FIBCD1: variants seen among roughly 807,000 people sequenced by gnomAD.
The protein encoded by FIBCD1 is fibrinogen C domain containing 1.
Under a neutral mutation model 45.1 loss-of-function variants are expected in FIBCD1, and 47 were observed. The ratio of observed to expected loss-of-function variants is 1.04; its 90% CI spans 0.82 to 1.33. FIBCD1 has a LOEUF of 1.33. Among genes scored for constraint, FIBCD1 ranks in the 40% most tolerant of loss-of-function variants. The pLI, the probability that FIBCD1 is intolerant of heterozygous loss-of-function variation, is 0.00. For synonymous variants in FIBCD1, 313 were observed against 308.1 expected (o/e 1.02, Z -0.17); for missense variants, 653 against 682.2 (o/e 0.96, Z 0.48).
Position 130,904,002 on chromosome 9 carries a change from G to A in FIBCD1, c.*62C>T. The A allele has an allele frequency of 6.3e-7, 1 of 1,577,222 alleles. No individual in the cohort carries two copies. Among genetic ancestry groups the A allele is most frequent in the Non-Finnish European group, 8.6e-7 (1 of 1,160,876 alleles). ...GTGGGTGGAGAACATTCACGAAAGA[G>A]TGAGGTGGGGTCGGGGATGGGGCGA... is the stretch of plus-strand genomic sequence containing the variant. On this transcript the variant is annotated 3_prime_UTR_variant, in exon 7 of 7. Coordinates refer to ENST00000372338, the MANE Select transcript of FIBCD1 (RefSeq NM_032843.5).
chr9:130,909,326 G>C (rs1034008881), intron 5 of FIBCD1, among the ~76,000 whole-genome samples: 7 of 134,356 alleles, frequency 5.2e-5, no homozygotes, highest in African/African-American at 1.4e-4. Flanking sequence ...GCACACACCC[G>C]GGGGGCTTAA....
chr9:130,915,273 G>A (rs1177543406), intron 4 of FIBCD1, among the ~76,000 whole-genome samples: 2 of 152,160 alleles, frequency 1.3e-5, no homozygotes, highest in Non-Finnish European at 2.9e-5. Context: ...CCATCCCCCA[G>A]GGCTCCTCCT....
upstream of FIBCD1, among the ~76,000 whole-genome samples, chr9:130,940,615 C>T (rs970302669): frequency 6.6e-6 from 1 of 152,264 alleles, no homozygotes; most frequent in Admixed American, 6.5e-5. Context: ...GCCTCAGTTT[C>T]CCCATGTAAG....
rs575780548 is a variant in FIBCD1 at position 130,923,518 on chromosome 9, A to G, written c.849+226T>C. 4.6e-5 allele frequency among the ~76,000 whole-genome samples: 7 copies of G among 152,152 alleles called. No homozygotes were observed. The East Asian group carries it at 1.4e-3, about 29-fold the overall frequency. On this transcript the variant is annotated intron_variant, in intron 4 of 6. Coordinates refer to ENST00000372338, the MANE Select transcript of FIBCD1 (RefSeq NM_032843.5). ...AGGGAGCCCAAGGTGGCTCCTGCCT[A>G]ATGTCCGCTCCAGAGTGGGTACCCC...
chr9:130,923,797 G>C lies in FIBCD1; in HGVS notation c.796C>G (p.Pro266Ala). Residue 266 changes from proline to alanine, a missense_variant, in exon 4 of 7, where the codon CCG becomes GCG. By Grantham distance (27) the Pro-to-Ala change is conservative. Coordinates refer to ENST00000372338, the MANE Select transcript of FIBCD1 (RefSeq NM_032843.5). ...GVYSVFPTHY[P>A]AGFQVYCDMR... is the part of the protein sequence containing the mutation. ...TCACAGTACACCTGGAAGCCGGCCG[G>C]GTAGTGGGTGGGAAAGACAGAGTAG... 6.2e-7 allele frequency: 1 copy of C among 1,612,970 alleles called. No individual in the cohort carries two copies. The highest frequency in any genetic ancestry group is 2.2e-5 in the East Asian group (1 of 44,876).
At chr9:130,934,249 C>G (rs1832485348) in intron 1 of FIBCD1, among the ~76,000 whole-genome samples, 1 of 152,202 alleles carries the variant, frequency 6.6e-6, no homozygotes, top group Non-Finnish European at 1.5e-5. Flanking sequence ...ACTCTGAGCC[C>G]TGGCCCTGGC....
At chr9:130,917,450 A>G (rs556855808) in intron 4 of FIBCD1, among the ~76,000 whole-genome samples, 9 of 148,000 alleles carry the variant, frequency 6.1e-5, no homozygotes, top group South Asian at 2.1e-4. Flanking sequence ...GGCTCTGGAC[A>G]TGGAGGAAGG....
rs886473119 is a variant in FIBCD1, at chr9:130,902,494, C to G, written c.*1570G>C. The G allele has an allele frequency of 6.6e-6, 1 of 152,274 alleles. No individual in the cohort carries two copies. Among genetic ancestry groups the G allele is most frequent in the Non-Finnish European group, 1.5e-5 (1 of 68,052 alleles). 9.4% of individuals were successfully genotyped at this position (152,274 alleles called of 1,614,324 possible). ...GACAGAGAGCCAGGTCACACGGCCT[C>G]TCCCACCAACCCCCAGTGGTGCCAA... On this transcript the variant is annotated 3_prime_UTR_variant, in exon 7 of 7. Transcript: ENST00000372338.
intron 2 of FIBCD1, among the ~76,000 whole-genome samples, chr9:130,925,322 C>T (rs922023800): frequency 6.6e-6 from 1 of 152,130 alleles, no homozygotes; most frequent in Non-Finnish European, 1.5e-5. Context: ...AGGACTCAGG[C>T]CACTTCCCTA....
rs140499477 is a variant in FIBCD1, at chr9:130,911,106, A to G, written c.946+686T>C. The stretch of plus-strand genomic sequence containing the variant: ...GCTCAGGTTCCCTCCTGCGCTGTGG[A>G]AGCTTTGTTCTTTCACTCTTTGGGT... On this transcript the variant is annotated intron_variant, in intron 5 of 6. Coordinates refer to ENST00000372338, the MANE Select transcript of FIBCD1 (RefSeq NM_032843.5). Among the ~76,000 whole-genome samples, 149 of 152,258 alleles carry G rather than the reference A, an allele frequency of 9.8e-4. 2 individuals carry two copies. The Middle Eastern group carries it at 0.017, about 17-fold the overall frequency.
chr9:130,909,678 T>G (rs1832000506), intron 5 of FIBCD1, among the ~76,000 whole-genome samples: 2 of 152,276 alleles, frequency 1.3e-5, no homozygotes, highest in Admixed American at 1.3e-4. Flanking sequence ...TTGTGATTCT[T>G]TTAGGATGTT....
rs746464629 is a variant in FIBCD1, at chr9:130,904,270, T to C, written c.1180A>G (p.Ser394Gly). ...GMRFTTKDRD[S>G]DHSENNCAAF... ...GCACAGTTGTTCTCTGAATGGTCGC[T>C]GTCACGGTCCTTGGTGGTGAACCTC... Residue 394 changes from serine (S) to glycine (G), a missense_variant, in exon 7 of 7, where the codon AGC (serine) becomes GGC (glycine). By Grantham distance (56) the Ser-to-Gly change is moderately conservative. Coordinates refer to ENST00000372338, the MANE Select transcript of FIBCD1 (RefSeq NM_032843.5). 8.7e-6 allele frequency: 14 copies of C among 1,613,512 alleles called. No homozygotes were observed. The highest frequency in any genetic ancestry group is 1.2e-5 in the Non-Finnish European group (14 of 1,179,876).
chr9:130,909,998 T>C (rs1446300365), intron 5 of FIBCD1, among the ~76,000 whole-genome samples: 2 of 152,214 alleles, frequency 1.3e-5, no homozygotes, highest in Non-Finnish European at 2.9e-5. Context: ...GCGCCTCCTC[T>C]GCGTGGGCTC....
chr9:130,911,165 T>G (rs956312118), intron 5 of FIBCD1, among the ~76,000 whole-genome samples: 2 of 152,192 alleles, frequency 1.3e-5, no homozygotes, highest in Non-Finnish European at 2.9e-5. Flanking sequence ...ACACTCACCG[T>G]GAAGGTCTGC....
chr9:130,919,017 C>T (rs931845987), intron 4 of FIBCD1, among the ~76,000 whole-genome samples: 1 of 152,210 alleles, frequency 6.6e-6, no homozygotes, highest in South Asian at 2.1e-4. Context: ...TGACTGAAAA[C>T]GGTACCCCCA....
At chr9:130,910,628 G>C (rs1374231815) in intron 5 of FIBCD1, among the ~76,000 whole-genome samples, 1 of 152,214 alleles carries the variant, frequency 6.6e-6, no homozygotes, top group African/African-American at 2.4e-5. Context: ...TCTAGCTCAG[G>C]GATTGTAAAT....
upstream of FIBCD1, among the ~76,000 whole-genome samples, chr9:130,940,702 A>G (rs953249229): frequency 4.6e-5 from 7 of 152,220 alleles, no homozygotes; most frequent in African/African-American, 1.2e-4. Context: ...CAAGGCTCAG[A>G]TGTTCCTGCT....
intron 5 of FIBCD1, among the ~76,000 whole-genome samples, chr9:130,908,978 C>T (rs1244322570): frequency 6.6e-6 from 1 of 152,072 alleles, no homozygotes; most frequent in Non-Finnish European, 1.5e-5. Flanking sequence ...AGGGGTGTCA[C>T]TGAACATCCT....
chr9:130,921,267 G>A (rs1384456930), intron 4 of FIBCD1, among the ~76,000 whole-genome samples: 1 of 152,264 alleles, frequency 6.6e-6, no homozygotes, highest in Admixed American at 6.5e-5. Flanking sequence ...GTTCGGACAG[G>A]GAGTCTAATG....
Sources: allele counts gnomAD v4.1 joint callset (sites outside exome capture counted in the v4.1 genomes callset), GRCh38; gene constraint gnomAD v4.1.1; transcripts MANE v1.5; gene names NCBI Gene and HGNC (gene_info 2026-07-23, HGNC 2026-07-21).